Variants in KATNBL1 observed in about 807,000 individuals in gnomAD.
KATNBL1 encodes the protein KATNB1-like protein 1.
KATNBL1 carries 28 observed loss-of-function variants against 44.7 expected under a neutral mutation model. The ratio of observed to expected loss-of-function variants is 0.63; its 90% CI spans 0.46 to 0.86. The LOEUF (loss-of-function observed/expected upper bound fraction) is 0.86, where lower values mean the gene tolerates loss of function less well. Ranked by LOEUF, KATNBL1 falls within the 40% of genes least tolerant of loss-of-function variation. The pLI, the probability that KATNBL1 is intolerant of heterozygous loss-of-function variation, is 0.00. For missense variants in KATNBL1, 272 were observed against 350.7 expected, an observed-to-expected ratio of 0.78 and a Z score of 1.79; for synonymous variants, 78 against 114.9, an observed-to-expected ratio of 0.68 and a Z score of 2.06.
chr15:34,175,261 G>T (rs1247913247), intron 1 of KATNBL1, among the ~76,000 whole-genome samples: 2 of 151,622 alleles, frequency 1.3e-5, no homozygotes, highest in African/African-American at 4.9e-5. Flanking sequence ...TTCAGATTTT[G>T]AAATATGTCC....
Position 34,145,470 on chromosome 15 carries a change from T to C in KATNBL1, c.810A>G (p.Gln270=), listed in dbSNP as rs1888279922. The change falls in exon 9 of 10, where the codon CAA becomes CAG. Residue 270 remains glutamine (Q), a synonymous_variant. Coordinates refer to ENST00000256544, the MANE Select transcript of KATNBL1 (RefSeq NM_024713.3). ...INDGNIQILK[Q]QLSGLWEQEN... is the part of the protein sequence containing the mutation. ...CCTGTTCCCATAATCCACTTAATTG[T>C]TGTTTTAAAATTTGAATATTTCTAA... 1.4e-6 allele frequency: 2 copies of C among 1,452,870 alleles called. No individual in the cohort carries two copies. Among genetic ancestry groups the C allele is most frequent in the African/African-American group, 3.0e-5 (2 of 67,028 alleles). 90.0% of individuals were successfully genotyped at this position (1,452,870 alleles called of 1,614,324 possible). A position where few individuals can be genotyped will look rare whatever the true frequency, so the allele number is the denominator to read the frequency against.
intron 1 of KATNBL1, among the ~76,000 whole-genome samples, chr15:34,190,733 G>C (rs1889848758): frequency 6.6e-6 from 1 of 152,126 alleles, no homozygotes; most frequent in Non-Finnish European, 1.5e-5. Flanking sequence ...TATGAATCCT[G>C]ATATGATACA....
rs973309112 is a variant in KATNBL1 at position 34,192,262 on chromosome 15, G to A, written c.-15+17689C>T. The stretch of plus-strand genomic sequence containing the variant: ...TACTAAAAGTACAAAAAATGAGACA[G>A]GTGTGGTGGCACGTGCCTGTAATCC... On this transcript the variant is annotated intron_variant, in intron 1 of 9. Transcript: ENST00000256544. Among the ~76,000 whole-genome samples the A allele has an allele frequency of 5.7e-4, 87 of 152,170 alleles. 1 individual carries two copies. Among genetic ancestry groups the A allele is most frequent in the African/African-American group, 1.9e-3 (80 of 41,512 alleles).
In KATNBL1 at chr15:34,160,577, T is replaced by A. The variant is rs536807230; in HGVS notation, c.117+2983A>T. 6.6e-5 allele frequency among the ~76,000 whole-genome samples: 10 copies of A among 152,360 alleles called. No homozygotes were observed. In the South Asian group the frequency reaches 1.9e-3, roughly 28 times the overall value. ...TTTTCCTTGTTATTGAAAGCTTTTG[T>A]AATGTTTTGGATGCGGGGTTTAGAC... On this transcript the variant is annotated intron_variant, in intron 2 of 9. Transcript: ENST00000256544.
At chr15:34,176,528 C>A (rs532764698) in intron 1 of KATNBL1, among the ~76,000 whole-genome samples, 2 of 152,094 alleles carry the variant, frequency 1.3e-5, no homozygotes, top group South Asian at 2.1e-4. Context: ...AAAGCAGACT[C>A]GTGGTTGTCT....
intron 1 of KATNBL1, among the ~76,000 whole-genome samples, chr15:34,168,656 G>A (rs1034164182): frequency 3.3e-5 from 5 of 151,978 alleles, no homozygotes; most frequent in South Asian, 2.1e-4. Flanking sequence ...GCACCACATC[G>A]CACTTATTCC....
Position 34,146,862 on chromosome 15 carries a change from T to C in KATNBL1, c.699-12A>G. 1 of 1,522,322 alleles carries C rather than the reference T, an allele frequency of 6.6e-7. No homozygotes were observed. Among genetic ancestry groups the C allele is most frequent in the Non-Finnish European group, 9.1e-7 (1 of 1,098,772 alleles). The allele number at this position is 1,522,322 out of a possible 1,614,324, so 94.3% of individuals were successfully genotyped here. ...CAACTATAACATATCTGAAATGACATTTTGTTACAAAATTCAAGTGTTTTC... is the reference window on the plus strand; with the variant it reads ...CAACTATAACATATCTGAAATGACACTTTGTTACAAAATTCAAGTGTTTTC... On this transcript the variant is annotated splice_polypyrimidine_tract_variant and intron_variant, in intron 7 of 9. Transcript: ENST00000256544.
At chr15:34,200,540 C>T (rs1184705524) in intron 1 of KATNBL1, among the ~76,000 whole-genome samples, 8 of 151,420 alleles carry the variant, frequency 5.3e-5, no homozygotes, top group African/African-American at 7.3e-5. Context: ...GGATTACAGG[C>T]GTGAGCCACC....
At chr15:34,181,583 CATATATAT>C (rs1157339429) in intron 1 of KATNBL1, among the ~76,000 whole-genome samples, 1 of 51,808 alleles carries the variant, frequency 1.9e-5, no homozygotes, top group Admixed American at 2.6e-4. Flanking sequence ...CATATATATA[CATATATAT>C]ACACATATAT....
At chr15:34,169,037 G>T (rs1182355161) in intron 1 of KATNBL1, among the ~76,000 whole-genome samples, 1 of 152,036 alleles carries the variant, frequency 6.6e-6, no homozygotes, top group Non-Finnish European at 1.5e-5. Flanking sequence ...AACTAGAGAA[G>T]CAAGAGCAAA....
At chr15:34,168,168 A>C (rs1199768813) in intron 1 of KATNBL1, among the ~76,000 whole-genome samples, 1 of 152,182 alleles carries the variant, frequency 6.6e-6, no homozygotes, top group Non-Finnish European at 1.5e-5. Context: ...GTCAAGACCT[A>C]TCGGTGTGCT....
At chr15:34,184,305 C>CAAAAA (rs531339661) in intron 1 of KATNBL1, among the ~76,000 whole-genome samples, 17 of 129,040 alleles carry the variant, frequency 1.3e-4, no homozygotes, top group Non-Finnish European at 2.3e-4. Flanking sequence ...GACTCTGTCT[C>CAAAAA]AAAAAAAAAA....
intron 7 of KATNBL1, 70 bp downstream of exon 7, chr15:34,147,130 T>G (rs2140899719): frequency 1.1e-6 from 1 of 920,434 alleles, no homozygotes; most frequent in Middle Eastern, 2.9e-4. Flanking sequence ...CAATCTACTA[T>G]GTACTCACAA....
chr15:34,152,473 C>T (rs1409790224), intron 4 of KATNBL1, among the ~76,000 whole-genome samples: 1 of 152,206 alleles, frequency 6.6e-6, no homozygotes, highest in Non-Finnish European at 1.5e-5. Flanking sequence ...GCGTGAGCCA[C>T]TGTGTCCGGC....
At chr15:34,161,352 C>T (rs79064736) in intron 2 of KATNBL1, among the ~76,000 whole-genome samples, 62 of 152,232 alleles carry the variant, frequency 4.1e-4, no homozygotes, top group Middle Eastern at 6.8e-3. Context: ...ACAAGGCCAC[C>T]GCAATGAGGC....
At chr15:34,143,099 G>A in intron 9 of KATNBL1, 1 of 1,024,974 alleles carries the variant, frequency 9.8e-7, no homozygotes, top group Non-Finnish European at 1.3e-6. Context: ...ACTTCGCATT[G>A]AACTTTTAAT....
At chr15:34,174,507 TA>T (rs1162063447) in intron 1 of KATNBL1, among the ~76,000 whole-genome samples, 1 of 152,178 alleles carries the variant, frequency 6.6e-6, no homozygotes, top group Non-Finnish European at 1.5e-5. Context: ...GTAAATGGTC[TA>T]AAAGTCATTT....
chr15:34,141,397 A>G lies in KATNBL1; in HGVS notation c.*942T>C, dbSNP rs957582636. Reference sequence around the variant, plus strand: ...AAATCAGAATTTAAAAAAGCAAAAAATAGAAATATTTAGTGAATTTACTCA... The same window carrying G: ...AAATCAGAATTTAAAAAAGCAAAAAGTAGAAATATTTAGTGAATTTACTCA... On this transcript the variant is annotated 3_prime_UTR_variant, in exon 10 of 10. Transcript: ENST00000256544. 3 of 152,654 alleles carry G rather than the reference A, an allele frequency of 2.0e-5. No homozygotes were observed. The highest frequency in any genetic ancestry group is 4.4e-5 in the Non-Finnish European group (3 of 68,020). The allele number at this position is 152,654 out of a possible 1,614,324, so 9.5% of individuals were successfully genotyped here. A position where few individuals can be genotyped will look rare whatever the true frequency, so the allele number is the denominator to read the frequency against.
intron 8 of KATNBL1, 53 bp from the exon 9 acceptor site, chr15:34,145,544 A>C (rs1474112919): frequency 4.1e-5 from 55 of 1,332,122 alleles, no homozygotes; most frequent in Non-Finnish European, 6.8e-6. Context: ...TAAGATACAA[A>C]CTTTCATCAT....
Sources: allele counts gnomAD v4.1 joint callset (sites outside exome capture counted in the v4.1 genomes callset), GRCh38; gene constraint gnomAD v4.1.1; transcripts MANE v1.5; gene names NCBI Gene and HGNC (gene_info 2026-07-23, HGNC 2026-07-21).